ZSCAN31: variants seen among roughly 807,000 people sequenced by gnomAD.
The protein encoded by ZSCAN31 is zinc finger and SCAN domain containing 31.
ZSCAN31 carries 14 observed loss-of-function variants against 22.5 expected under a neutral mutation model. That is an observed-to-expected ratio of 0.62 (90% CI 0.41 to 0.97). The LOEUF is 0.97. ZSCAN31 is among the 50% of genes least tolerant of loss of function. The probability of loss-of-function intolerance (pLI) is 0.00; values close to 1 mark genes in which losing one functional copy is unlikely to be tolerated. For missense variants in ZSCAN31, 424 were observed against 483.4 expected (o/e 0.88, Z 1.15); for synonymous variants, 168 against 169.8 (o/e 0.99, Z 0.08).
At chr6:28,348,168 TTTAA>T (rs1313541026) in intron 2 of ZSCAN31, among the ~76,000 whole-genome samples, 3 of 152,142 alleles carry the variant, frequency 2.0e-5, no homozygotes, top group Non-Finnish European at 4.4e-5. Flanking sequence ...AACCTTTTAA[TTTAA>T]TTGTCTTTAC....
intron 1 of ZSCAN31, among the ~76,000 whole-genome samples, chr6:28,330,017 A>G (rs1256899053): frequency 6.6e-6 from 1 of 152,186 alleles, no homozygotes; most frequent in Non-Finnish European, 1.5e-5. Context: ...CCATTGTGAC[A>G]CTGGATTCAA....
chr6:28,354,082 C>T, intron 1 of ZSCAN31: 1 of 402,992 alleles, frequency 2.5e-6, no homozygotes, highest in South Asian at 1.8e-5. Context: ...CCTGCCGCTC[C>T]CACACTTACA....
chr6:28,345,687 A>T (rs1396914816), intron 2 of ZSCAN31, among the ~76,000 whole-genome samples: 2 of 152,182 alleles, frequency 1.3e-5, no homozygotes, highest in Non-Finnish European at 2.9e-5. Flanking sequence ...TGATCCACTG[A>T]CATAGGATCT....
chr6:28,327,207 A>G (rs781374074), intron 3 of ZSCAN31, among the ~76,000 whole-genome samples, 176 bp downstream of exon 3: 7 of 152,218 alleles, frequency 4.6e-5, no homozygotes, highest in Non-Finnish European at 8.8e-5. Context: ...CCCCACTTCA[A>G]ATATGCATAA....
chr6:28,334,624 C>T (rs914016978), intron 1 of ZSCAN31, among the ~76,000 whole-genome samples: 3 of 152,274 alleles, frequency 2.0e-5, no homozygotes, highest in Admixed American at 2.0e-4. Context: ...TGGGGATGCA[C>T]TACAGGAAGA....
chr6:28,346,335 G>A (rs1395113438), intron 2 of ZSCAN31, among the ~76,000 whole-genome samples: 1 of 115,964 alleles, frequency 8.6e-6, no homozygotes, highest in Admixed American at 9.5e-5. Context: ...CTTCTCCTCA[G>A]TACAATCTTT....
chr6:28,344,307 T>G (rs1764546897), intron 2 of ZSCAN31, among the ~76,000 whole-genome samples: 1 of 152,194 alleles, frequency 6.6e-6, no homozygotes, highest in Non-Finnish European at 1.5e-5. Flanking sequence ...CAATGATATA[T>G]TCAATGAAGA....
chr6:28,332,709 G>A (rs1284358569), intron 1 of ZSCAN31, among the ~76,000 whole-genome samples: 1 of 152,244 alleles, frequency 6.6e-6, no homozygotes, highest in African/African-American at 2.4e-5. Flanking sequence ...TCAGTAGACA[G>A]TTGAAAATAC....
chr6:28,328,045 G>A (rs1324971393), intron 2 of ZSCAN31, among the ~76,000 whole-genome samples: 7 of 152,192 alleles, frequency 4.6e-5, no homozygotes, highest in Admixed American at 3.3e-4. Flanking sequence ...TTTTATTAGG[G>A]ATTTTCAAAA....
chr6:28,348,047 T>G lies in ZSCAN31; in HGVS notation c.-371+5815A>C, dbSNP rs1764719075. 2.0e-5 allele frequency among the ~76,000 whole-genome samples: 3 copies of G among 149,614 alleles called. No homozygotes were observed. In the South Asian group the frequency reaches 6.3e-4, roughly 31 times the overall value. On this transcript the variant is annotated intron_variant, in intron 2 of 7. Transcript: ENST00000396838. ...TGCCTGTGCATATTTTTTGCCATTT[T>G]TTTTCTGTATGATTGTTGGCTTTTT...
rs781232744 is a variant in ZSCAN31, at chr6:28,327,366, C to T, written c.532+17G>A. The T allele has an allele frequency of 1.4e-5, 22 of 1,613,744 alleles. No homozygotes were observed. The East Asian group carries it at 4.9e-4, about 36-fold the overall frequency. ...ACCCACCAGAGATCTCCTGAAGGGA[C>T]CTGTCAAAATCCTTACCTTGTTCTT... is the stretch of plus-strand genomic sequence containing the variant. On this transcript the variant is annotated intron_variant, in intron 3 of 3. Coordinates refer to ENST00000344279, the MANE Select transcript of ZSCAN31 (RefSeq NM_030899.5).
chr6:28,345,444 T>G (rs1296757292), intron 2 of ZSCAN31, among the ~76,000 whole-genome samples: 2 of 152,194 alleles, frequency 1.3e-5, no homozygotes, highest in Non-Finnish European at 2.9e-5. Context: ...TATCTATGCC[T>G]AACAGCATGG....
At position 28,325,083 on chromosome 6, in the gene ZSCAN31, A is replaced by G. The variant is rs1461360524; in HGVS notation, c.*1083T>C. The G allele has an allele frequency of 2.0e-5, 3 of 152,198 alleles. No homozygotes were observed. Among genetic ancestry groups the G allele is most frequent in the Non-Finnish European group, 2.9e-5 (2 of 68,034 alleles). 9.4% of individuals were successfully genotyped at this position (152,198 alleles called of 1,614,324 possible). On this transcript the variant is annotated 3_prime_UTR_variant, in exon 4 of 4. Coordinates refer to ENST00000344279, the MANE Select transcript of ZSCAN31 (RefSeq NM_030899.5). ...CTTGCCTAAAGTCCCACAGCTCACA[A>G]ATGGGGAGGAAAGATTTGAACTTGG...
chr6:28,328,924 C>CA (rs1275749252), intron 2 of ZSCAN31, among the ~76,000 whole-genome samples: 1 of 152,164 alleles, frequency 6.6e-6, no homozygotes, highest in African/African-American at 2.4e-5. Context: ...CTTCCCGCAA[C>CA]AAAAAAGCAC....
At chr6:28,342,491 G>T (rs1397706422) in intron 2 of ZSCAN31, among the ~76,000 whole-genome samples, 1 of 152,194 alleles carries the variant, frequency 6.6e-6, no homozygotes, top group Non-Finnish European at 1.5e-5. Flanking sequence ...TGCAAAGGGA[G>T]TAAAAACACT....
Position 28,327,394 on chromosome 6 carries a change from A to G in ZSCAN31, c.521T>C (p.Phe174Ser). The change falls in exon 3 of 4, where the codon TTT becomes TCT. Residue 174 changes from phenylalanine to serine, a missense_variant. By Grantham distance (155) the Phe-to-Ser change is radical. Transcript: ENST00000344279. ...GTCAAAATCCTTACCTTGTTCTTGAAATTGGTGGAGGCAAAAAGATTCATA... is the reference window on the plus strand; with the variant it reads ...GTCAAAATCCTTACCTTGTTCTTGAGATTGGTGGAGGCAAAAAGATTCATA... ...LRYESFCLHQ[F>S]QEQDGESIPE... 1 of 1,614,038 alleles carries G rather than the reference A, an allele frequency of 6.2e-7. No homozygotes were observed. The highest frequency in any genetic ancestry group is 8.5e-7 in the Non-Finnish European group (1 of 1,179,988).
chr6:28,350,347 G>T (rs1764913662), intron 2 of ZSCAN31: 1 of 152,202 alleles, frequency 6.6e-6, no homozygotes, highest in Non-Finnish European at 1.5e-5. Flanking sequence ...GACAAGCCTC[G>T]AGAATGGGAG....
At chr6:28,332,391 C>T (rs1406320460) in intron 1 of ZSCAN31, 1 of 152,204 alleles carries the variant, frequency 6.6e-6, no homozygotes, top group African/African-American at 2.4e-5. Context: ...ACTTGATAGA[C>T]ATCTGACAAA....
Position 28,347,180 on chromosome 6 carries a change from C to A in ZSCAN31, c.-370-5388G>T, listed in dbSNP as rs992803784. Among the ~76,000 whole-genome samples, 4 of 152,198 alleles carry A rather than the reference C, an allele frequency of 2.6e-5. No individual in the cohort carries two copies. Among genetic ancestry groups the A allele is most frequent in the Non-Finnish European group, 5.9e-5 (4 of 68,036 alleles). On this transcript the variant is annotated intron_variant, in intron 2 of 7. Transcript: ENST00000396838. The surrounding 1 kb of genome is among the most constrained non-coding windows in gnomAD (Gnocchi z 5.2). ...CACAGTTCAACTACTCTGCCTAGCC[C>A]TATTTCTTTAACTTCTTGTGTTATT...
Sources: allele counts gnomAD v4.1 joint callset (sites outside exome capture counted in the v4.1 genomes callset), GRCh38; gene constraint gnomAD v4.1.1; non-coding constraint Gnocchi (gnomAD v3.1); transcripts MANE v1.5; gene names NCBI Gene and HGNC (gene_info 2026-07-23, HGNC 2026-07-21).